The following UGT2B11 variants were observed in gnomAD, a reference collection of about 807,000 sequenced individuals.
UGT2B11 encodes UDP glucuronosyltransferase family 2 member B11, also known as UDP-glucuronosyltransferase 2B11.
In UGT2B11, 49 loss-of-function variants were observed where a neutral mutation model predicts 51.7. The observed-to-expected ratio is 0.95, with a 90% CI of 0.75 to 1.20. The LOEUF (loss-of-function observed/expected upper bound fraction) is 1.20, where lower values mean the gene tolerates loss of function less well. Among genes scored for constraint, UGT2B11 ranks in the 50% most tolerant of loss-of-function variants. UGT2B11 has a pLI of 0.00. For missense variants in UGT2B11, 810 were observed against 622.1 expected (o/e 1.30, Z -3.21); for synonymous variants, 273 against 209.0 (o/e 1.31, Z -2.64).
rs1187976165 is a variant in UGT2B11, at chr4:69,200,361, A to C, written c.*79T>G. 16 of 1,304,290 alleles carry C rather than the reference A, an allele frequency of 1.2e-5. No individual in the cohort carries two copies. The highest frequency in any genetic ancestry group is 6.1e-5 in the African/African-American group (4 of 65,284). The allele number at this position is 1,304,290 out of a possible 1,614,324, so 80.8% of individuals were successfully genotyped here. A position where few individuals can be genotyped will look rare whatever the true frequency, so the allele number is the denominator to read the frequency against. On this transcript the variant is annotated 3_prime_UTR_variant, in exon 6 of 6. Coordinates refer to ENST00000446444, the MANE Select transcript of UGT2B11 (RefSeq NM_001073.3). ...TCACAGGAAGAAAGAAATCTTGCAT[A>C]ACAATCTTTTCTTTCTTGCTGGAAT...
chr4:69,214,750 A>C, upstream of UGT2B11: 1 of 1,601,772 alleles, frequency 6.2e-7, no homozygotes. Context: ...ATTCTTTTCC[A>C]GTCACTGTTT....
intron 4 of UGT2B11, 33 bp downstream of exon 4, chr4:69,205,447 A>C: frequency 6.3e-7 from 1 of 1,598,722 alleles, no homozygotes; most frequent in South Asian, 1.1e-5. Context: ...TGCAGTTACT[A>C]ATATATCCAG....
chr4:69,221,957 G>A, the UGT2B11 span, among the ~76,000 whole-genome samples: 1 of 152,200 alleles, frequency 6.6e-6, no homozygotes, highest in Non-Finnish European at 1.5e-5. Context: ...GGGGTGGTTT[G>A]TTTTTTGTTG....
chr4:69,203,782 A>T (rs1169139068), intron 5 of UGT2B11, among the ~76,000 whole-genome samples: 1 of 151,728 alleles, frequency 6.6e-6, no homozygotes, highest in Admixed American at 6.6e-5. Context: ...TTTATATGAA[A>T]TATCTAGAGA....
intron 5 of UGT2B11, among the ~76,000 whole-genome samples, chr4:69,203,109 T>TA (rs1721719958): frequency 6.6e-6 from 1 of 151,650 alleles, no homozygotes; most frequent in African/African-American, 2.4e-5. Flanking sequence ...ACAAAATATT[T>TA]AAAAAGTATA....
chr4:69,217,309 C>T (rs767500610), upstream of UGT2B11, among the ~76,000 whole-genome samples: 6 of 152,224 alleles, frequency 3.9e-5, no homozygotes, highest in South Asian at 2.1e-4. Context: ...TGTCACAAAA[C>T]AGACAAATTT....
At chr4:69,218,614 G>C (rs547376992), upstream of UGT2B11, among the ~76,000 whole-genome samples, 5 of 152,110 alleles carry the variant, frequency 3.3e-5, no homozygotes, top group African/African-American at 4.8e-5. Flanking sequence ...CCTTGGAAGT[G>C]TTCCCAGATA....
intron 2 of UGT2B11, chr4:69,211,117 GTCATAAGGCAGACA>G (rs1201896600): frequency 4.0e-5 from 6 of 151,556 alleles, no homozygotes; most frequent in Non-Finnish European, 8.9e-5. Flanking sequence ...TGATTTGCTT[GTCATAAGGCAGACA>G]TCATCTGCTC....
chr4:69,208,210 G>T, intron 3 of UGT2B11, 141 bp downstream of exon 3: 2 of 1,487,990 alleles, frequency 1.3e-6, no homozygotes, highest in Non-Finnish European at 1.8e-6. Flanking sequence ...TACTTGTGTT[G>T]GTGGAAGCAA....
the UGT2B11 span, among the ~76,000 whole-genome samples, chr4:69,221,286 C>A: frequency 6.6e-6 from 1 of 152,168 alleles, no homozygotes; most frequent in Non-Finnish European, 1.5e-5. Context: ...TGGGGTGTTC[C>A]AAGGACTGGT....
chr4:69,224,958 A>G, the UGT2B11 span, among the ~76,000 whole-genome samples: 1 of 152,148 alleles, frequency 6.6e-6, no homozygotes, highest in African/African-American at 2.4e-5. Context: ...GGAAAACCAG[A>G]ATTGTAACTT....
intron 3 of UGT2B11, among the ~76,000 whole-genome samples, chr4:69,207,849 A>G (rs1477130075): frequency 6.6e-6 from 1 of 151,644 alleles, no homozygotes; most frequent in Non-Finnish European, 1.5e-5. Flanking sequence ...CACTCATTGG[A>G]TACTGCTGAG....
chr4:69,218,579 C>T (rs955042176), upstream of UGT2B11, among the ~76,000 whole-genome samples: 9 of 151,776 alleles, frequency 5.9e-5, no homozygotes, highest in African/African-American at 2.2e-4. Flanking sequence ...CAAATTAAGG[C>T]AAACTATGAA....
chr4:69,200,446 T>C lies in UGT2B11; in HGVS notation c.1584A>G (p.Arg528=), dbSNP rs1458340649. ...CTTCAAATGTCAGACATAACTAATC[T>C]CTTTTTCCCTTCTTCCCTTTTCTAG... ...KFARKGKKGK[R]D is the part of the protein sequence containing the mutation. The change falls in exon 6 of 6, where the codon AGA becomes AGG. Residue 528 remains arginine, a synonymous_variant. Transcript: ENST00000446444. The C allele has an allele frequency of 8.1e-6, 13 of 1,610,014 alleles. No homozygotes were observed. Among genetic ancestry groups the C allele is most frequent in the Non-Finnish European group, 1.1e-5 (13 of 1,177,824 alleles).
intron 2 of UGT2B11, chr4:69,211,078 T>A (rs928281826): frequency 1.1e-4 from 17 of 151,602 alleles, no homozygotes; most frequent in African/African-American, 4.1e-4. Context: ...ACCTATGATG[T>A]TGAGACAAGT....
chr4:69,201,617 G>A (rs1367464596), intron 5 of UGT2B11, among the ~76,000 whole-genome samples: 1 of 151,654 alleles, frequency 6.6e-6, no homozygotes, highest in Non-Finnish European at 1.5e-5. Flanking sequence ...CTTCTCTCCT[G>A]CTCTTGGAGT....
At chr4:69,218,465 A>C (rs1211218636), upstream of UGT2B11, among the ~76,000 whole-genome samples, 1 of 152,150 alleles carries the variant, frequency 6.6e-6, no homozygotes, top group Non-Finnish European at 1.5e-5. Flanking sequence ...CAAATGTATC[A>C]ATATGGGAAA....
chr4:69,212,535 C>T (rs778153644), intron 2 of UGT2B11, 38 bp downstream of exon 2: 28 of 1,590,420 alleles, frequency 1.8e-5, no homozygotes, highest in East Asian at 9.0e-5. Flanking sequence ...ACTGAAACTT[C>T]GAAGCCAACA....
chr4:69,219,170 T>C (rs973974326), upstream of UGT2B11, among the ~76,000 whole-genome samples: 1 of 152,112 alleles, frequency 6.6e-6, no homozygotes, highest in Admixed American at 6.6e-5. Flanking sequence ...AAACCTGGTG[T>C]TCCCCTGGTG....
Sources: gnomAD v4.1 joint callset for allele counts (sites outside exome capture counted in the v4.1 genomes callset) on GRCh38, gnomAD v4.1.1 for gene constraint, MANE v1.5 for transcripts, NCBI Gene and HGNC (gene_info 2026-07-23, HGNC 2026-07-21) for gene names.